FOXP2: variants seen among roughly 807,000 people sequenced by gnomAD.
The protein encoded by FOXP2 is forkhead box protein P2.
Under a neutral mutation model 115.8 loss-of-function variants are expected in FOXP2, and 12 were observed. The observed-to-expected ratio is 0.10, with a 90% CI of 0.07 to 0.17. The LOEUF (loss-of-function observed/expected upper bound fraction) is 0.17. Among genes scored for constraint, FOXP2 ranks in the 10% least tolerant of loss-of-function variants. The pLI is 1.00. For synonymous variants in FOXP2, 328 were observed against 297.7 expected, an observed-to-expected ratio of 1.10 and a Z score of -1.05; for missense variants, 629 against 843.5, an observed-to-expected ratio of 0.75 and a Z score of 3.15.
rs1263589955 is a variant in FOXP2 at position 114,690,905 on chromosome 7, C to G, written c.*979C>G. 1 of 454,430 alleles carries G rather than the reference C, an allele frequency of 2.2e-6. No homozygotes were observed. Among genetic ancestry groups the G allele is most frequent in the Admixed American group, 2.4e-5 (1 of 42,548 alleles). 28.1% of individuals were successfully genotyped at this position (454,430 alleles called of 1,614,324 possible). A position where few individuals can be genotyped will look rare whatever the true frequency, so the allele number is the denominator to read the frequency against. On this transcript the variant is annotated 3_prime_UTR_variant, in exon 17 of 17. Transcript: ENST00000350908. ...TGGGATCTTTTCATTTAGCCCTAAA[C>G]AAAGAAACAAATATGACAAAAACCA...
At chr7:114,118,141 G>C (rs1791458445) in intron 1 of FOXP2, among the ~76,000 whole-genome samples, 3 of 152,018 alleles carry the variant, frequency 2.0e-5, no homozygotes, top group Non-Finnish European at 2.9e-5. Context: ...CTATTTATTG[G>C]GTTCACAGTG....
chr7:114,190,648 A>G (rs371746516), intron 1 of FOXP2, among the ~76,000 whole-genome samples: 10 of 152,098 alleles, frequency 6.6e-5, no homozygotes, highest in Admixed American at 2.0e-4. Context: ...ACCTTAAAAC[A>G]TGCCTGATTC....
chr7:114,330,368 C>T (rs1797672326), intron 2 of FOXP2, among the ~76,000 whole-genome samples: 1 of 151,444 alleles, frequency 6.6e-6, no homozygotes, highest in South Asian at 2.1e-4. Context: ...TACGGTGGCT[C>T]ACGCCTATAA....
At chr7:114,588,506 C>G (rs1380654894) in intron 3 of FOXP2, among the ~76,000 whole-genome samples, 2 of 152,086 alleles carry the variant, frequency 1.3e-5, no homozygotes, top group Non-Finnish European at 2.9e-5. Flanking sequence ...ATGAAATACT[C>G]TCTGCCCACA....
chr7:114,176,973 CT>C (rs1033961411), intron 1 of FOXP2, among the ~76,000 whole-genome samples: 1 of 152,040 alleles, frequency 6.6e-6, no homozygotes, highest in Non-Finnish European at 1.5e-5. Context: ...TGTGTCTGGG[CT>C]TTTTTTCTCA....
intron 1 of FOXP2, among the ~76,000 whole-genome samples, chr7:114,092,462 G>A (rs1244700173): frequency 6.6e-6 from 1 of 151,014 alleles, no homozygotes; most frequent in African/African-American, 2.4e-5. Context: ...TATTATTTTA[G>A]CTTTGTATCA....
intron 1 of FOXP2, among the ~76,000 whole-genome samples, chr7:114,271,979 TTA>T (rs933911999): frequency 1.4e-4 from 19 of 133,832 alleles, no homozygotes; most frequent in African/African-American, 4.5e-4. Flanking sequence ...TATAATATAA[TTA>T]TATATAATAT....
chr7:114,457,894 CA>C (rs397740229), intron 2 of FOXP2, among the ~76,000 whole-genome samples: 160 of 115,616 alleles, frequency 1.4e-3, no homozygotes, highest in Middle Eastern at 0.011. Flanking sequence ...GACTCCGTCT[CA>C]AAAAAAAAAA....
chr7:114,441,465 T>C (rs970414348), intron 2 of FOXP2, among the ~76,000 whole-genome samples: 1 of 151,924 alleles, frequency 6.6e-6, no homozygotes, highest in Non-Finnish European at 1.5e-5. Context: ...AAAAAAAAAT[T>C]GGAGTGGAAT....
intron 3 of FOXP2, chr7:114,561,044 T>C (rs975668100): frequency 1.3e-5 from 2 of 152,234 alleles, no homozygotes; most frequent in Non-Finnish European, 2.9e-5. Flanking sequence ...TGTTGTTTAT[T>C]ATGCACATGT....
chr7:114,618,926 T>C (rs1804090239), intron 3 of FOXP2, among the ~76,000 whole-genome samples: 1 of 152,176 alleles, frequency 6.6e-6, no homozygotes, highest in African/African-American at 2.4e-5. Flanking sequence ...GGTTACTGTG[T>C]GTTATGTATT....
intron 3 of FOXP2, among the ~76,000 whole-genome samples, chr7:114,587,584 C>T (rs1051686876): frequency 6.6e-6 from 1 of 151,784 alleles, no homozygotes; most frequent in East Asian, 1.9e-4. Flanking sequence ...TTTCATTATT[C>T]GTATTAAGTT....
At chr7:114,142,741 T>C (rs1792254983) in intron 1 of FOXP2, among the ~76,000 whole-genome samples, 1 of 152,146 alleles carries the variant, frequency 6.6e-6, no homozygotes, top group Admixed American at 6.5e-5. Context: ...GGATTAACTA[T>C]TTATTAATAT....
At chr7:114,117,244 CAG>C (rs2129143067) in intron 1 of FOXP2, among the ~76,000 whole-genome samples, 1 of 142,508 alleles carries the variant, frequency 7.0e-6, no homozygotes, top group South Asian at 2.2e-4. Context: ...TTTTTTGAAA[CAG>C]AGTCTCACTC....
chr7:114,641,583 A>C (rs1805530688), intron 6 of FOXP2, among the ~76,000 whole-genome samples: 1 of 152,000 alleles, frequency 6.6e-6, no homozygotes, highest in African/African-American at 2.4e-5. Context: ...ATAATTGTCA[A>C]ATCTCCTATT....
chr7:114,120,690 G>A (rs991738625), intron 1 of FOXP2, among the ~76,000 whole-genome samples: 19 of 143,384 alleles, frequency 1.3e-4, no homozygotes, highest in African/African-American at 1.7e-4. Flanking sequence ...GTGTGTGTGT[G>A]TATATGTATG....
chr7:114,519,562 A>G (rs1186233555), intron 2 of FOXP2, among the ~76,000 whole-genome samples: 1 of 152,162 alleles, frequency 6.6e-6, no homozygotes, highest in Admixed American at 6.6e-5. Context: ...TGATCAGAGT[A>G]AGTACAGCTT....
chr7:114,388,455 T>C (rs1792509736), intron 2 of FOXP2, among the ~76,000 whole-genome samples: 1 of 151,752 alleles, frequency 6.6e-6, no homozygotes, highest in African/African-American at 2.4e-5. Flanking sequence ...TCTCAGAAAG[T>C]AGATTGTTGA....
At chr7:114,449,032 C>G (rs971994392) in intron 2 of FOXP2, among the ~76,000 whole-genome samples, 1 of 151,954 alleles carries the variant, frequency 6.6e-6, no homozygotes, top group African/African-American at 2.4e-5. Context: ...AACTTTGATG[C>G]CCCAGTTTCC....
Sources: gnomAD v4.1 joint callset for allele counts (sites outside exome capture counted in the v4.1 genomes callset) on GRCh38, gnomAD v4.1.1 for gene constraint, MANE v1.5 for transcripts, NCBI Gene and HGNC (gene_info 2026-07-23, HGNC 2026-07-21) for gene names.